The following WDR76 variants were observed in gnomAD, a reference collection of about 807,000 sequenced individuals.
WDR76 encodes WD repeat-containing protein 76.
Under a neutral mutation model 70.2 loss-of-function variants are expected in WDR76, and 52 were observed. That is an observed-to-expected ratio of 0.74 (90% confidence interval 0.59 to 0.93). The LOEUF (loss-of-function observed/expected upper bound fraction) is 0.93, where lower values mean the gene tolerates loss of function less well. Ranked by LOEUF, WDR76 falls within the 40% of genes least tolerant of loss-of-function variation. The pLI is 0.00. For missense variants in WDR76, 756 were observed against 760.2 expected, an observed-to-expected ratio of 0.99 and a Z score of 0.07; for synonymous variants, 292 against 271.1, an observed-to-expected ratio of 1.08 and a Z score of -0.76.
At chr15:43,844,105 G>C in intron 8 of WDR76, 51 bp downstream of exon 8, 1 of 1,566,492 alleles carries the variant, frequency 6.4e-7, no homozygotes, top group Non-Finnish European at 8.7e-7. Flanking sequence ...AAGCAAATAG[G>C]CTGGAAGAGA....
chr15:43,855,287 A>G (rs1005223040), intron 9 of WDR76, among the ~76,000 whole-genome samples: 2 of 152,246 alleles, frequency 1.3e-5, no homozygotes, highest in African/African-American at 2.4e-5. Context: ...ACCCTAGAAA[A>G]TGAGTAATGT....
intron 4 of WDR76, among the ~76,000 whole-genome samples, chr15:43,837,712 A>G (rs1251760875): frequency 1.3e-5 from 2 of 152,128 alleles, no homozygotes; most frequent in Non-Finnish European, 2.9e-5. Context: ...AAAGGTACAT[A>G]TAATGTATTT....
chr15:43,841,970 C>T (rs956471444), intron 5 of WDR76, among the ~76,000 whole-genome samples: 4 of 152,160 alleles, frequency 2.6e-5, no homozygotes, highest in African/African-American at 9.6e-5. Context: ...TGGGTTCACA[C>T]GATTCTCCTG....
At chr15:43,857,559 C>T in intron 10 of WDR76, 6 of 984,458 alleles carry the variant, frequency 6.1e-6, no homozygotes, top group Non-Finnish European at 7.2e-6. Context: ...GTGGCTCATG[C>T]CTGTAATCCC....
At chr15:43,854,438 A>T (rs939242341) in intron 9 of WDR76, among the ~76,000 whole-genome samples, 1 of 151,798 alleles carries the variant, frequency 6.6e-6, no homozygotes, top group Non-Finnish European at 1.5e-5. Context: ...GCGTGGTAGC[A>T]TGCGCCTGTG....
chr15:43,845,073 T>C (rs570018742), intron 8 of WDR76, among the ~76,000 whole-genome samples: 1 of 146,088 alleles, frequency 6.8e-6, no homozygotes, highest in Admixed American at 6.8e-5. Flanking sequence ...GCCATTCTCT[T>C]GCCTCAACCT....
intron 9 of WDR76, among the ~76,000 whole-genome samples, chr15:43,856,229 A>G (rs28413704): frequency 0.16 from 23,918 of 152,152 alleles, 2,492 homozygotes; most frequent in African/African-American, 0.28. Context: ...ATTATAAGCA[A>G]TCTTGCAGCA....
chr15:43,857,674 A>C, intron 10 of WDR76: 2 of 241,504 alleles, frequency 8.3e-6, no homozygotes, highest in Non-Finnish European at 1.3e-5. Context: ...ACAAAAACTA[A>C]CCAGGTGTGG....
At chr15:43,843,853 T>A in intron 7 of WDR76, 48 bp from the exon 8 acceptor site, 2 of 1,457,444 alleles carry the variant, frequency 1.4e-6, no homozygotes. Flanking sequence ...TTATTTTGAC[T>A]ATTGAGATTG....
chr15:43,856,867 C>T (rs1398464421), intron 9 of WDR76, 79 bp from the exon 10 acceptor site: 10 of 1,271,120 alleles, frequency 7.9e-6, no homozygotes, highest in African/African-American at 1.5e-5. Context: ...GTTTTATAAC[C>T]CTTTTACCAA....
rs1234392798 is a variant in WDR76, at chr15:43,827,086, G to T, written c.54G>T (p.Gln18His). The stretch of plus-strand genomic sequence containing the variant: ...AGGCGGACTCCAGACAGCGACCCCA[G>T]ATGAAGGTGAGAAACGGACTGGTGC... ...AEKADSRQRP[Q>H]MKVNEYKENQ... The change falls in exon 1 of 13, where the codon CAG becomes CAT. Residue 18 changes from glutamine (Q) to histidine (H), a missense_variant. Coordinates refer to ENST00000263795, the MANE Select transcript of WDR76 (RefSeq NM_024908.4). The T allele has an allele frequency of 1.2e-6, 2 of 1,613,132 alleles. No homozygotes were observed. Among genetic ancestry groups the T allele is most frequent in the Admixed American group, 3.3e-5 (2 of 59,860 alleles).
At chr15:43,839,287 A>G (rs1252713548) in intron 4 of WDR76, among the ~76,000 whole-genome samples, 1 of 152,272 alleles carries the variant, frequency 6.6e-6, no homozygotes, top group East Asian at 1.9e-4. Flanking sequence ...GTATACATGT[A>G]CTGGACTTTG....
At chr15:43,847,202 A>G (rs2087799926) in intron 8 of WDR76, among the ~76,000 whole-genome samples, 1 of 152,104 alleles carries the variant, frequency 6.6e-6, no homozygotes, top group Admixed American at 6.6e-5. Context: ...AAATGGCTTC[A>G]TTGAGGTAAT....
In WDR76 at chr15:43,866,583, G is replaced by A. The variant is rs1215612677; in HGVS notation, c.*191G>A. 1.9e-5 allele frequency: 12 copies of A among 628,874 alleles called. No homozygotes were observed. Among genetic ancestry groups the A allele is most frequent in the Non-Finnish European group, 2.8e-5 (11 of 389,884 alleles). 39.0% of individuals were successfully genotyped at this position (628,874 alleles called of 1,614,324 possible). A position where few individuals can be genotyped will look rare whatever the true frequency, so the allele number is the denominator to read the frequency against. ...TCTTGGAGGGTTGCTTCTGCAGGAC[G>A]GGGAGGGAATTTGAGGGGAGGCTGA... On this transcript the variant is annotated 3_prime_UTR_variant, in exon 13 of 13. Coordinates refer to ENST00000263795, the MANE Select transcript of WDR76 (RefSeq NM_024908.4).
At chr15:43,845,880 T>A (rs963265328) in intron 8 of WDR76, among the ~76,000 whole-genome samples, 22 of 150,332 alleles carry the variant, frequency 1.5e-4, no homozygotes, top group African/African-American at 5.1e-4. Context: ...GAAATAGTGG[T>A]GACTTGAAGT....
chr15:43,842,637 A>G lies in WDR76; in HGVS notation c.844A>G (p.Lys282Glu), dbSNP rs780361898. 21 of 1,610,050 alleles carry G rather than the reference A, an allele frequency of 1.3e-5. No homozygotes were observed. Among genetic ancestry groups the G allele is most frequent in the Middle Eastern group, 4.3e-4 (2 of 4,682 alleles). The change falls in exon 7 of 13, where the codon AAG becomes GAG. Residue 282 changes from lysine to glutamate, a missense_variant. Lys to Glu is a moderately conservative substitution (Grantham distance 56). Transcript: ENST00000263795. ...TCTCCCAATGTTTCAGCCAAGTAGT[A>G]AGAACACTGAGAAGGGATTATCTAG... is the stretch of plus-strand genomic sequence containing the variant. The part of the protein sequence containing the change: ...TWAGMSKPSS[K>E]NTEKGLSSIK...
Position 43,846,014 on chromosome 15 carries a change from C to A in WDR76, c.1032+1960C>A, listed in dbSNP as rs573049066. ...GGGGATAGGAGGTGATAGGATTTAG[C>A]AAAGAAAACTGAAGCAAAAAAGTGG... On this transcript the variant is annotated intron_variant, in intron 8 of 12. Transcript: ENST00000263795. 1.5e-4 allele frequency among the ~76,000 whole-genome samples: 22 copies of A among 149,920 alleles called. No homozygotes were observed. The South Asian group carries it at 4.4e-3, about 30-fold the overall frequency.
chr15:43,841,963 G>T (rs1011584803), intron 5 of WDR76, among the ~76,000 whole-genome samples: 1 of 151,972 alleles, frequency 6.6e-6, no homozygotes, highest in Non-Finnish European at 1.5e-5. Context: ...CAACACCTGG[G>T]TTCACACGAT....
At chr15:43,856,026 T>C (rs1290709438) in intron 9 of WDR76, among the ~76,000 whole-genome samples, 1 of 152,212 alleles carries the variant, frequency 6.6e-6, no homozygotes, top group Non-Finnish European at 1.5e-5. Flanking sequence ...TCTCCTCTTC[T>C]TTATACTAAT....
Sources: allele counts gnomAD v4.1 joint callset (sites outside exome capture counted in the v4.1 genomes callset), GRCh38; gene constraint gnomAD v4.1.1; transcripts MANE v1.5; gene names NCBI Gene and HGNC (gene_info 2026-07-23, HGNC 2026-07-21).